Variants in LEKR1 observed in about 807,000 individuals in gnomAD.
LEKR1 encodes the protein leucine, glutamate and lysine rich 1.
Under a neutral mutation model 72.4 loss-of-function variants are expected in LEKR1, and 59 were observed. The observed-to-expected ratio is 0.82, with a 90% CI of 0.66 to 1.01. LEKR1 has a LOEUF of 1.01. LEKR1 is among the 50% of genes least tolerant of loss of function. The pLI is 0.00. For synonymous variants in LEKR1, 257 were observed against 263.2 expected (o/e 0.98, Z 0.23); for missense variants, 728 against 759.2 (o/e 0.96, Z 0.48).
chr3:157,003,151 A>T (rs1050274153), intron 9 of LEKR1, among the ~76,000 whole-genome samples: 1 of 152,114 alleles, frequency 6.6e-6, no homozygotes, highest in Non-Finnish European at 1.5e-5. Context: ...AATTAAGCAG[A>T]TCAAATTGTT....
chr3:156,841,927 A>T (rs1713960026), intron 2 of LEKR1, among the ~76,000 whole-genome samples: 1 of 152,164 alleles, frequency 6.6e-6, no homozygotes, highest in Non-Finnish European at 1.5e-5. Flanking sequence ...GGTGAGTGGC[A>T]AGCCAGTGAG....
At chr3:157,027,620 A>C (rs1414514931) in intron 11 of LEKR1, among the ~76,000 whole-genome samples, 2 of 152,128 alleles carry the variant, frequency 1.3e-5, no homozygotes, top group African/African-American at 4.8e-5. Context: ...GTTTAAGACC[A>C]GCCATGGTAA....
intron 3 of LEKR1, among the ~76,000 whole-genome samples, chr3:156,912,801 T>C (rs1362145349): frequency 1.3e-5 from 2 of 152,248 alleles, no homozygotes; most frequent in Non-Finnish European, 2.9e-5. Flanking sequence ...CTCTTCATTG[T>C]GCTGCTCTTA....
intron 7 of LEKR1, among the ~76,000 whole-genome samples, chr3:156,983,619 C>G (rs1402070959): frequency 6.6e-6 from 1 of 151,778 alleles, no homozygotes. Context: ...GGCCCCTCAT[C>G]AATACCCTAC....
chr3:156,988,448 C>T (rs921871697), intron 7 of LEKR1: 24 of 201,202 alleles, frequency 1.2e-4, no homozygotes, highest in African/African-American at 5.4e-4. Context: ...TTTTCCCTTG[C>T]TTTCTCCAGC....
At chr3:156,968,503 C>A (rs1169264663) in intron 6 of LEKR1, among the ~76,000 whole-genome samples, 1 of 152,060 alleles carries the variant, frequency 6.6e-6, no homozygotes, top group Admixed American at 6.5e-5. Context: ...AAACTTTAAA[C>A]CAACAAAGAT....
intron 12 of LEKR1, among the ~76,000 whole-genome samples, chr3:157,037,130 T>C (rs907357804): frequency 6.6e-6 from 1 of 152,178 alleles, no homozygotes; most frequent in African/African-American, 2.4e-5. Context: ...TCATCTTCCA[T>C]TCCATGCAGT....
At chr3:157,034,776 C>G (rs752213476) in intron 12 of LEKR1, among the ~76,000 whole-genome samples, 1 of 151,936 alleles carries the variant, frequency 6.6e-6, no homozygotes, top group Admixed American at 6.6e-5. Flanking sequence ...TGGAAGAGTC[C>G]CTTGATGTGG....
intron 3 of LEKR1, among the ~76,000 whole-genome samples, chr3:156,899,017 GA>G (rs1362846510): frequency 6.6e-6 from 1 of 152,002 alleles, no homozygotes; most frequent in East Asian, 1.9e-4. Flanking sequence ...TGTTTAATGG[GA>G]AAGGAGACAA....
At chr3:156,860,347 G>C (rs547692376) in intron 3 of LEKR1, among the ~76,000 whole-genome samples, 1 of 152,070 alleles carries the variant, frequency 6.6e-6, no homozygotes, top group Admixed American at 6.6e-5. Context: ...TTTCTCCTCC[G>C]CTTATGCCAA....
At chr3:157,023,856 A>C (rs896173834) in intron 10 of LEKR1, among the ~76,000 whole-genome samples, 4 of 152,206 alleles carry the variant, frequency 2.6e-5, no homozygotes, top group Admixed American at 2.6e-4. Flanking sequence ...CAAAGTATGG[A>C]TACAGATGCT....
At chr3:156,988,416 T>G in intron 7 of LEKR1, 1 of 218,900 alleles carries the variant, frequency 4.6e-6, no homozygotes, top group Non-Finnish European at 9.8e-6. Context: ...TCGTGTCACC[T>G]GCAGGCAGCT....
Position 156,863,099 on chromosome 3 carries a change from G to A in LEKR1, c.263+10117G>A, listed in dbSNP as rs567426920. Among the ~76,000 whole-genome samples, 12 of 152,190 alleles carry A rather than the reference G, an allele frequency of 7.9e-5. No individual in the cohort carries two copies. In the South Asian group the frequency reaches 2.5e-3, roughly 32 times the overall value. On this transcript the variant is annotated intron_variant, in intron 3 of 12. Transcript: ENST00000356539. Reference sequence around the variant, plus strand: ...TCATACTCATAGCCTTTTTGTAGGAGTAGGAATAAGGCAGGGGTTGGGGAG... The same window carrying A: ...TCATACTCATAGCCTTTTTGTAGGAATAGGAATAAGGCAGGGGTTGGGGAG...
chr3:157,017,561 C>G (rs1733452620), intron 10 of LEKR1: 1 of 152,170 alleles, frequency 6.6e-6, no homozygotes, highest in South Asian at 2.1e-4. Flanking sequence ...TGCTCCTCCC[C>G]TGCTAGAACT....
At chr3:157,036,711 T>A (rs1276203126) in intron 12 of LEKR1, among the ~76,000 whole-genome samples, 1 of 152,176 alleles carries the variant, frequency 6.6e-6, no homozygotes, top group African/African-American at 2.4e-5. Context: ...ATTACAGCAG[T>A]GCATCAGATT....
At chr3:156,867,823 C>T (rs1488120301) in intron 3 of LEKR1, among the ~76,000 whole-genome samples, 1 of 151,938 alleles carries the variant, frequency 6.6e-6, no homozygotes, top group Non-Finnish European at 1.5e-5. Context: ...GTAGGTGCAT[C>T]GTAGGTGTTA....
chr3:156,954,858 T>C (rs1338343528), intron 6 of LEKR1, among the ~76,000 whole-genome samples: 2 of 152,084 alleles, frequency 1.3e-5, no homozygotes, highest in East Asian at 3.9e-4. Flanking sequence ...AGGTTCCATA[T>C]GAATTTTAAA....
chr3:156,910,165 G>A (rs917000424), intron 3 of LEKR1, among the ~76,000 whole-genome samples: 10 of 152,070 alleles, frequency 6.6e-5, no homozygotes, highest in African/African-American at 2.4e-4. Flanking sequence ...TTAGATTCAG[G>A]GGGTACGTGT....
At chr3:156,982,855 G>GTGTGTAGATAGATAGA (rs1373147511) in intron 7 of LEKR1, among the ~76,000 whole-genome samples, 1 of 139,998 alleles carries the variant, frequency 7.1e-6, no homozygotes, top group African/African-American at 3.0e-5. Flanking sequence ...GTGTGTGTGT[G>GTGTGTAGATAGATAGA]TAGATAGATA....
Sources: gnomAD v4.1 joint callset for allele counts (sites outside exome capture counted in the v4.1 genomes callset) on GRCh38, gnomAD v4.1.1 for gene constraint, MANE v1.5 for transcripts, NCBI Gene and HGNC (gene_info 2026-07-23, HGNC 2026-07-21) for gene names.